PIAS2: variants seen among roughly 807,000 people sequenced by gnomAD.
PIAS2 encodes the protein protein inhibitor of activated STAT 2, also known as E3 SUMO-protein ligase PIAS2.
PIAS2 carries 19 observed loss-of-function variants against 69.7 expected under a neutral mutation model. The ratio of observed to expected loss-of-function variants is 0.27; its 90% CI spans 0.19 to 0.40. The LOEUF (loss-of-function observed/expected upper bound fraction) is 0.40. Among genes scored for constraint, PIAS2 ranks in the 10% least tolerant of loss-of-function variants. The pLI, the probability that PIAS2 is intolerant of heterozygous loss-of-function variation, is 1.00. For synonymous variants in PIAS2, 261 were observed against 263.2 expected (o/e 0.99, Z 0.08); for missense variants, 624 against 757.0 (o/e 0.82, Z 2.06).
Position 46,804,709 on chromosome 18 carries a change from C to G in PIAS2, c.*7724G>C, listed in dbSNP as rs1225669748. 1 of 152,090 alleles carries G rather than the reference C, an allele frequency of 6.6e-6. No homozygotes were observed. The highest frequency in any genetic ancestry group is 1.5e-5 in the Non-Finnish European group (1 of 68,020). 9.4% of individuals were successfully genotyped at this position (152,090 alleles called of 1,614,324 possible). On this transcript the variant is annotated 3_prime_UTR_variant, in exon 14 of 14. Coordinates refer to ENST00000585916, the MANE Select transcript of PIAS2 (RefSeq NM_004671.5). The stretch of plus-strand genomic sequence containing the variant: ...CCTCATTTACATGCTCTTGTAGCAC[C>G]CTATACTTTGTCTTTTACCATTAAC...
rs1325281748 is a variant in PIAS2, at chr18:46,805,970, C to G, written c.*6463G>C. Reference sequence around the variant, plus strand: ...GCCATTAACATCCAAGTTACCCAGGCTTGAAAAATGGATGAAAAATGCACT... The same window carrying G: ...GCCATTAACATCCAAGTTACCCAGGGTTGAAAAATGGATGAAAAATGCACT... On this transcript the variant is annotated 3_prime_UTR_variant, in exon 14 of 14. Transcript: ENST00000585916. 3.3e-5 allele frequency: 5 copies of G among 152,162 alleles called. No individual in the cohort carries two copies. In the East Asian group the frequency reaches 7.7e-4, roughly 23 times the overall value. 9.4% of individuals were successfully genotyped at this position (152,162 alleles called of 1,614,324 possible).
At chr18:46,895,974 T>C (rs952038555) in intron 1 of PIAS2, among the ~76,000 whole-genome samples, 3 of 151,872 alleles carry the variant, frequency 2.0e-5, no homozygotes, top group African/African-American at 7.3e-5. Context: ...AGAAATCAAA[T>C]TGAAAATCAA....
chr18:46,887,594 T>C (rs1268105937), intron 2 of PIAS2, among the ~76,000 whole-genome samples: 2 of 152,210 alleles, frequency 1.3e-5, no homozygotes, highest in South Asian at 2.1e-4. Flanking sequence ...GTTAGTCACA[T>C]TGTAAGCAAT....
chr18:46,829,682 T>C, intron 10 of PIAS2, 52 bp downstream of exon 10: 2 of 1,527,662 alleles, frequency 1.3e-6, no homozygotes, highest in Non-Finnish European at 1.8e-6. Flanking sequence ...AGATTAATGA[T>C]AATGTTGCAC....
At position 46,812,277 on chromosome 18, in the gene PIAS2, T is replaced by C. The variant is rs1479535375; in HGVS notation, c.*156A>G. 4 of 546,362 alleles carry C rather than the reference T, an allele frequency of 7.3e-6. No individual in the cohort carries two copies. The highest frequency in any genetic ancestry group is 1.3e-5 in the Non-Finnish European group (4 of 308,348). The allele number at this position is 546,362 out of a possible 1,614,324, so 33.8% of individuals were successfully genotyped here. ...GCATGTCATTTGGTTCTTGTTGCAG[T>C]CTTCTGTGTTCACCCCTCAGAAAGC... On this transcript the variant is annotated 3_prime_UTR_variant, in exon 14 of 14. Transcript: ENST00000585916.
At position 46,882,171 on chromosome 18, in the gene PIAS2, A is replaced by G. The variant is rs183598125; in HGVS notation, c.499+8409T>C. Reference sequence around the variant, plus strand: ...TATATACTTATTAACTGAGTTAATAAAAATAATATATACAGTAAATTAGAA... The same window carrying G: ...TATATACTTATTAACTGAGTTAATAGAAATAATATATACAGTAAATTAGAA... On this transcript the variant is annotated intron_variant, in intron 2 of 13. Coordinates refer to ENST00000585916, the MANE Select transcript of PIAS2 (RefSeq NM_004671.5). Among the ~76,000 whole-genome samples the G allele has an allele frequency of 2.1e-3, 320 of 152,290 alleles. 2 individuals are homozygous for G. The highest frequency in any genetic ancestry group is 7.3e-3 in the African/African-American group (303 of 41,558).
chr18:46,856,493 C>T (rs1241751399), intron 3 of PIAS2, among the ~76,000 whole-genome samples: 1 of 152,046 alleles, frequency 6.6e-6, no homozygotes, highest in Non-Finnish European at 1.5e-5. Flanking sequence ...GATACAGAAC[C>T]TCTTATAATT....
Position 46,917,412 on chromosome 18 carries a change from G to A in PIAS2, c.-67C>T, listed in dbSNP as rs1372775840. Reference sequence around the variant, plus strand: ...CACTCCCGCTGCCGCCAACGACGCTGCCGCCACCACGGCCGCCGCCGCCTC... The same window carrying A: ...CACTCCCGCTGCCGCCAACGACGCTACCGCCACCACGGCCGCCGCCGCCTC... On this transcript the variant is annotated 5_prime_UTR_variant, in exon 1 of 14. Coordinates refer to ENST00000585916, the MANE Select transcript of PIAS2 (RefSeq NM_004671.5). The A allele has an allele frequency of 5.8e-6, 8 of 1,390,762 alleles. No homozygotes were observed. Among genetic ancestry groups the A allele is most frequent in the East Asian group, 3.3e-5 (1 of 30,628 alleles). The allele number at this position is 1,390,762 out of a possible 1,614,324, so 86.2% of individuals were successfully genotyped here. A position where few individuals can be genotyped will look rare whatever the true frequency, so the allele number is the denominator to read the frequency against.
Position 46,836,547 on chromosome 18 carries a change from T to C in PIAS2, c.1042-30A>G, listed in dbSNP as rs763017558. 9 of 1,573,722 alleles carry C rather than the reference T, an allele frequency of 5.7e-6. No individual in the cohort carries two copies. In the East Asian group the frequency reaches 1.8e-4, roughly 31 times the overall value. The stretch of plus-strand genomic sequence containing the variant: ...AGGACAGGAAACACAAGGAAAACTA[T>C]TTCAGAAAGGAGAATGAGCTCAGAG... On this transcript the variant is annotated intron_variant, in intron 8 of 13. Coordinates refer to ENST00000585916, the MANE Select transcript of PIAS2 (RefSeq NM_004671.5).
At chr18:46,906,152 G>C (rs1207229244) in intron 1 of PIAS2, 1 of 151,906 alleles carries the variant, frequency 6.6e-6, no homozygotes, top group Admixed American at 6.6e-5. Context: ...TTTTAAATTA[G>C]CAAACTAAGA....
At chr18:46,900,121 T>C (rs907165408) in intron 1 of PIAS2, among the ~76,000 whole-genome samples, 4 of 152,092 alleles carry the variant, frequency 2.6e-5, no homozygotes, top group South Asian at 4.1e-4. Context: ...TCCCAGCACT[T>C]TGGGAGGCCG....
At chr18:46,834,181 T>C (rs899854291) in intron 9 of PIAS2, among the ~76,000 whole-genome samples, 4 of 152,136 alleles carry the variant, frequency 2.6e-5, no homozygotes, top group African/African-American at 9.7e-5. Flanking sequence ...GAATCACAAA[T>C]GTGCCTGATG....
chr18:46,910,457 T>C (rs1015919124), intron 1 of PIAS2, among the ~76,000 whole-genome samples: 2 of 151,704 alleles, frequency 1.3e-5, no homozygotes, highest in African/African-American at 4.9e-5. Flanking sequence ...AATACCTAAA[T>C]ACAAACCCAC....
intron 8 of PIAS2, among the ~76,000 whole-genome samples, chr18:46,842,754 G>A (rs867164323): frequency 8.5e-5 from 13 of 152,256 alleles, no homozygotes; most frequent in African/African-American, 2.4e-4. Context: ...AGAGGAAGTC[G>A]TGTGTCCTTC....
intron 2 of PIAS2, among the ~76,000 whole-genome samples, chr18:46,880,388 A>C (rs113647154): frequency 0.012 from 1,816 of 152,214 alleles, 32 homozygotes; most frequent in African/African-American, 0.039. Flanking sequence ...CTGTCTCAAA[A>C]AAAACAAAAC....
At chr18:46,857,054 C>T (rs1462459763) in intron 3 of PIAS2, among the ~76,000 whole-genome samples, 1 of 152,230 alleles carries the variant, frequency 6.6e-6, no homozygotes, top group Non-Finnish European at 1.5e-5. Flanking sequence ...CAACACATGT[C>T]AAGTGCCTAA....
At chr18:46,821,540 G>A (rs2042181921) in intron 11 of PIAS2, among the ~76,000 whole-genome samples, 1 of 152,066 alleles carries the variant, frequency 6.6e-6, no homozygotes, top group South Asian at 2.1e-4. Flanking sequence ...AACTCGAATT[G>A]TATTAATTAT....
intron 12 of PIAS2, chr18:46,818,003 C>T (rs761920874): frequency 2.0e-6 from 2 of 987,260 alleles, no homozygotes; most frequent in Non-Finnish European, 2.4e-6. Flanking sequence ...TTTTTATGCC[C>T]TCCGAAGTAT....
chr18:46,861,941 A>G (rs934497737), intron 3 of PIAS2, among the ~76,000 whole-genome samples: 1 of 152,206 alleles, frequency 6.6e-6, no homozygotes, highest in African/African-American at 2.4e-5. Flanking sequence ...TGATCATTGT[A>G]CTATGGTGAT....
Sources: allele counts gnomAD v4.1 joint callset (sites outside exome capture counted in the v4.1 genomes callset), GRCh38; gene constraint gnomAD v4.1.1; transcripts MANE v1.5; gene names NCBI Gene and HGNC (gene_info 2026-07-23, HGNC 2026-07-21).